KAZN: variants seen among roughly 807,000 people sequenced by gnomAD.
KAZN encodes kazrin, periplakin interacting protein, also known as kazrin.
A neutral mutation model predicts 87.4 loss-of-function variants in KAZN; 40 were observed. The observed-to-expected ratio is 0.46, with a 90% CI of 0.36 to 0.60. KAZN has a LOEUF of 0.60. Among genes scored for constraint, KAZN ranks in the 20% least tolerant of loss-of-function variants. KAZN has a pLI of 0.00. For synonymous variants in KAZN, 466 were observed against 458.3 expected (o/e 1.02, Z -0.22); for missense variants, 898 against 1,073.9 (o/e 0.84, Z 2.29).
rs139283993 is a variant in KAZN at position 14,426,778 on chromosome 1, A to T, written c.250-172205A>T. ...AAGCTGAGAAGGTCAGAGCTAGGTC[A>T]GGAACAGGGAGTCAGCCCCTTCTCT... On this transcript the variant is annotated intron_variant, in intron 2 of 16. Coordinates refer to the KAZN transcript ENST00000636203. 8.8e-3 allele frequency among the ~76,000 whole-genome samples: 1,344 copies of T among 152,278 alleles called. 11 individuals carry two copies. Among genetic ancestry groups the T allele is most frequent in the Middle Eastern group, 0.027 (8 of 294 alleles).
chr1:14,582,964 C>A (rs947636135), intron 2 of KAZN, among the ~76,000 whole-genome samples: 2 of 152,200 alleles, frequency 1.3e-5, no homozygotes, highest in Non-Finnish European at 2.9e-5. Context: ...TCCATCCCTG[C>A]AGCCCCATCA....
At chr1:14,920,095 A>G (rs1658328958) in intron 1 of KAZN, among the ~76,000 whole-genome samples, 1 of 152,002 alleles carries the variant, frequency 6.6e-6, no homozygotes, top group Admixed American at 6.6e-5. Context: ...GTGGGCTCAA[A>G]TATTCAACTT....
intron 2 of KAZN, among the ~76,000 whole-genome samples, chr1:14,405,304 G>C (rs932410095): frequency 6.6e-6 from 1 of 152,210 alleles, no homozygotes; most frequent in African/African-American, 2.4e-5. Flanking sequence ...AGAATTGGTT[G>C]TATGCCCAGC....
intron 1 of KAZN, among the ~76,000 whole-genome samples, chr1:14,083,174 C>T (rs1557461570): frequency 6.6e-6 from 1 of 152,194 alleles, no homozygotes; most frequent in Non-Finnish European, 1.5e-5. Flanking sequence ...TCCCTGGCCT[C>T]TTGTTGATCT....
At chr1:14,656,164 C>T (rs566006508) in intron 1 of KAZN, among the ~76,000 whole-genome samples, 4 of 152,168 alleles carry the variant, frequency 2.6e-5, no homozygotes, top group East Asian at 1.9e-4. Flanking sequence ...TCAGGACACA[C>T]GTTCAGGCGC....
intron 2 of KAZN, among the ~76,000 whole-genome samples, chr1:14,571,394 C>T (rs1674855067): frequency 6.6e-6 from 1 of 152,124 alleles, no homozygotes; most frequent in Admixed American, 6.5e-5. Flanking sequence ...GAATCTCTGT[C>T]GTCTGCTCAC....
intron 2 of KAZN, among the ~76,000 whole-genome samples, chr1:14,580,475 C>CAAATAAATAAAT (rs34947660): frequency 2.8e-5 from 4 of 144,336 alleles, no homozygotes; most frequent in African/African-American, 5.1e-5. Context: ...AACTCTATCT[C>CAAATAAATAAAT]AAATAAATAA....
At chr1:14,255,213 C>T (rs1409758914) in intron 2 of KAZN, among the ~76,000 whole-genome samples, 4 of 150,374 alleles carry the variant, frequency 2.7e-5, no homozygotes, top group Non-Finnish European at 5.9e-5. Context: ...AGTTGGGGGG[C>T]GGGTTGCCAC....
intron 2 of KAZN, among the ~76,000 whole-genome samples, chr1:14,195,917 T>A (rs1296165095): frequency 6.6e-6 from 1 of 152,222 alleles, no homozygotes; most frequent in East Asian, 1.9e-4. Flanking sequence ...TGTCAGGCGA[T>A]GTATTGTAGA....
At chr1:14,079,623 T>C (rs1416449224) in intron 1 of KAZN, among the ~76,000 whole-genome samples, 1 of 152,170 alleles carries the variant, frequency 6.6e-6, no homozygotes, top group African/African-American at 2.4e-5. Flanking sequence ...AATGATGTCT[T>C]TTGCTTCCAA....
intron 1 of KAZN, chr1:14,924,312 C>T: frequency 2.0e-6 from 2 of 985,748 alleles, no homozygotes; most frequent in Non-Finnish European, 2.4e-6. Flanking sequence ...GCCCGGCGCG[C>T]GCCGTCGGAG....
At chr1:15,058,944 C>T (rs575035732) in intron 5 of KAZN, among the ~76,000 whole-genome samples, 1 of 152,062 alleles carries the variant, frequency 6.6e-6, no homozygotes, top group South Asian at 2.1e-4. Context: ...ATCACTTGAA[C>T]CCGGGAAGCA....
intron 2 of KAZN, 77 bp downstream of exon 2, chr1:14,960,952 A>G: frequency 6.9e-7 from 1 of 1,454,034 alleles, no homozygotes; most frequent in Non-Finnish European, 9.2e-7. Context: ...CATGCAGGGG[A>G]AGTGACGCAG....
intron 1 of KAZN, among the ~76,000 whole-genome samples, chr1:14,755,120 G>A (rs1000037673): frequency 8.6e-5 from 13 of 151,518 alleles, no homozygotes; most frequent in Admixed American, 1.3e-4. Context: ...AGGTGTGGTG[G>A]CGTGTGCCCA....
At chr1:14,378,443 G>C (rs1197880202) in intron 2 of KAZN, among the ~76,000 whole-genome samples, 2 of 152,228 alleles carry the variant, frequency 1.3e-5, no homozygotes, top group Admixed American at 6.5e-5. Context: ...AATACTCCCA[G>C]TTCCTGGTTT....
chr1:15,079,512 G>A (rs1006325132), intron 8 of KAZN, among the ~76,000 whole-genome samples: 2 of 152,082 alleles, frequency 1.3e-5, no homozygotes, highest in African/African-American at 4.8e-5. Flanking sequence ...TGAAAGTGGG[G>A]TTGGGGCACA....
chr1:13,920,928 C>T (rs1177473024), intron 1 of KAZN, among the ~76,000 whole-genome samples: 10 of 152,272 alleles, frequency 6.6e-5, no homozygotes, highest in East Asian at 3.9e-4. Context: ...TGGCGATGCT[C>T]CTGCGCTGTC....
At chr1:14,992,863 C>T (rs1387563672) in intron 2 of KAZN, among the ~76,000 whole-genome samples, 1 of 151,934 alleles carries the variant, frequency 6.6e-6, no homozygotes, top group Non-Finnish European at 1.5e-5. Context: ...AGACTGGTCT[C>T]GAACTCCTGG....
At chr1:14,902,289 G>A (rs1039038210) in intron 1 of KAZN, among the ~76,000 whole-genome samples, 2 of 150,998 alleles carry the variant, frequency 1.3e-5, no homozygotes, top group East Asian at 2.0e-4. Flanking sequence ...GCAGTGGCTC[G>A]ATCTCGGCTC....
Sources: allele counts gnomAD v4.1 joint callset (sites outside exome capture counted in the v4.1 genomes callset), GRCh38; gene constraint gnomAD v4.1.1; transcripts MANE v1.5; gene names NCBI Gene and HGNC (gene_info 2026-07-23, HGNC 2026-07-21).